Variants in RTN4IP1 observed in about 807,000 individuals in gnomAD.
RTN4IP1 encodes the protein reticulon 4 interacting protein 1, also known as NAD(P)H oxidoreductase RTN4IP1, mitochondrial.
A neutral mutation model predicts 46.6 loss-of-function variants in RTN4IP1; 32 were observed. The ratio of observed to expected loss-of-function variants is 0.69; its 90% CI spans 0.52 to 0.92. The LOEUF is 0.92. Among genes scored for constraint, RTN4IP1 ranks in the 40% least tolerant of loss-of-function variants. The probability of loss-of-function intolerance (pLI) is 0.00; values close to 1 mark genes in which losing one functional copy is unlikely to be tolerated. For missense variants in RTN4IP1, 424 were observed against 485.8 expected, an observed-to-expected ratio of 0.87 and a Z score of 1.20; for synonymous variants, 167 against 161.8, an observed-to-expected ratio of 1.03 and a Z score of -0.24.
chr6:106,628,689 G>T, intron 1 of RTN4IP1, 59 bp downstream of exon 1: 1 of 1,450,352 alleles, frequency 6.9e-7, no homozygotes, highest in South Asian at 1.3e-5. Context: ...TTTTTAAAAC[G>T]GCATACCTTA....
chr6:106,574,275 T>A (rs993480421), intron 8 of RTN4IP1, among the ~76,000 whole-genome samples: 2 of 152,058 alleles, frequency 1.3e-5, no homozygotes, highest in African/African-American at 4.8e-5. Context: ...GAAACCTATC[T>A]CCACTAAAAA....
chr6:106,609,373 C>T (rs1366233652), intron 4 of RTN4IP1, among the ~76,000 whole-genome samples: 4 of 152,048 alleles, frequency 2.6e-5, no homozygotes, highest in African/African-American at 9.7e-5. Context: ...TGGGCAACAT[C>T]ATGAGATCAC....
chr6:106,612,885 G>C (rs1329083648), intron 4 of RTN4IP1, among the ~76,000 whole-genome samples: 1 of 152,180 alleles, frequency 6.6e-6, no homozygotes, highest in Non-Finnish European at 1.5e-5. Flanking sequence ...GTGCATCAGG[G>C]ATAAGAACCC....
chr6:106,602,277 CA>C (rs138749456), intron 5 of RTN4IP1, among the ~76,000 whole-genome samples: 14 of 149,198 alleles, frequency 9.4e-5, no homozygotes, highest in Admixed American at 5.3e-4. Context: ...TTATGAAAAG[CA>C]AAAAAAAAGC....
Position 106,593,729 on chromosome 6 carries a change from T to C in RTN4IP1, c.670-1429A>G, listed in dbSNP as rs369011070. ...AATTTCTCACTTTTAAAAAGCAACATTGACCAAAGACTTATATATCCTGAA... is the reference window on the plus strand; with the variant it reads ...AATTTCTCACTTTTAAAAAGCAACACTGACCAAAGACTTATATATCCTGAA... On this transcript the variant is annotated intron_variant, in intron 5 of 8. Coordinates refer to ENST00000369063, the MANE Select transcript of RTN4IP1 (RefSeq NM_032730.5). Among the ~76,000 whole-genome samples, 33 of 152,322 alleles carry C rather than the reference T, an allele frequency of 2.2e-4. 1 individual carries two copies. Among genetic ancestry groups the C allele is most frequent in the East Asian group, 1.9e-3 (10 of 5,192 alleles).
At chr6:106,623,060 T>C in intron 1 of RTN4IP1, 91 bp from the exon 2 acceptor site, 1 of 1,237,656 alleles carries the variant, frequency 8.1e-7, no homozygotes, top group East Asian at 2.3e-5. Context: ...CAATTTTAGG[T>C]CTTCAAGATG....
chr6:106,622,640 T>C (rs1203850565), intron 2 of RTN4IP1, among the ~76,000 whole-genome samples, 178 bp downstream of exon 2: 1 of 152,184 alleles, frequency 6.6e-6, no homozygotes, highest in Non-Finnish European at 1.5e-5. Context: ...ATTTAATCTG[T>C]ACTAAATAAA....
intron 1 of RTN4IP1, among the ~76,000 whole-genome samples, chr6:106,625,812 C>T (rs958882331): frequency 2.0e-5 from 3 of 151,472 alleles, no homozygotes; most frequent in African/African-American, 4.8e-5. Context: ...TACAGGCATG[C>T]GCCACCACGC....
chr6:106,594,949 G>A (rs372674304), intron 5 of RTN4IP1, among the ~76,000 whole-genome samples: 3 of 151,960 alleles, frequency 2.0e-5, no homozygotes, highest in South Asian at 2.1e-4. Context: ...CTACAGGCAC[G>A]TCACACCACG....
At chr6:106,622,584 G>A (rs1036442269) in intron 2 of RTN4IP1, among the ~76,000 whole-genome samples, 2 of 152,232 alleles carry the variant, frequency 1.3e-5, no homozygotes, top group East Asian at 1.9e-4. Flanking sequence ...GGGCACGGTC[G>A]GCAATGTTAA....
At chr6:106,595,694 C>T (rs1775773854) in intron 5 of RTN4IP1, among the ~76,000 whole-genome samples, 1 of 152,014 alleles carries the variant, frequency 6.6e-6, no homozygotes, top group Non-Finnish European at 1.5e-5. Context: ...GAAGGGGTTT[C>T]GCCATGTTGG....
intron 2 of RTN4IP1, among the ~76,000 whole-genome samples, chr6:106,621,756 T>C (rs527512692): frequency 6.6e-6 from 1 of 152,280 alleles, no homozygotes; most frequent in Admixed American, 6.5e-5. Context: ...AAGACCACAA[T>C]CTCTGGGGTC....
chr6:106,629,705 A>T (rs1449033248), upstream of RTN4IP1: 1 of 1,606,102 alleles, frequency 6.2e-7, no homozygotes, highest in African/African-American at 1.3e-5. Context: ...GCCTCCGAGA[A>T]GTGAGTGGAA....
intron 1 of RTN4IP1, among the ~76,000 whole-genome samples, chr6:106,623,664 C>A (rs1442131031): frequency 1.3e-5 from 2 of 152,142 alleles, no homozygotes; most frequent in Non-Finnish European, 2.9e-5. Flanking sequence ...CACCATTGTT[C>A]AAAATATTTT....
At chr6:106,628,432 C>T (rs1442376155) in intron 1 of RTN4IP1, among the ~76,000 whole-genome samples, 1 of 151,758 alleles carries the variant, frequency 6.6e-6, no homozygotes, top group Non-Finnish European at 1.5e-5. Flanking sequence ...CAGGCCACCG[C>T]ACTCTAGCCT....
chr6:106,575,138 G>A (rs187028336), intron 8 of RTN4IP1, among the ~76,000 whole-genome samples: 5 of 152,272 alleles, frequency 3.3e-5, no homozygotes, highest in Admixed American at 1.3e-4. Context: ...ATACAGAGGG[G>A]GGAAAGAAAG....
intron 8 of RTN4IP1, among the ~76,000 whole-genome samples, chr6:106,572,621 G>C (rs1268357647): frequency 6.6e-6 from 1 of 152,120 alleles, no homozygotes; most frequent in Non-Finnish European, 1.5e-5. Flanking sequence ...ACTCCCACAG[G>C]AACCATGTGG....
intron 5 of RTN4IP1, among the ~76,000 whole-genome samples, chr6:106,594,454 A>T (rs2114644662): frequency 6.6e-6 from 1 of 152,178 alleles, no homozygotes; most frequent in East Asian, 1.9e-4. Context: ...AGGTTGCAGT[A>T]AGCCAAGGTC....
Position 106,619,332 on chromosome 6 carries a change from T to C in RTN4IP1, c.496-6A>G. ...GATTTGGGTTTGTGAGAGACCTACA[T>C]TTGAAGACAACAGTCAAAAATAAGC... On this transcript the variant is annotated splice_region_variant and splice_polypyrimidine_tract_variant and intron_variant, in intron 3 of 8. Transcript: ENST00000369063. The C allele has an allele frequency of 6.2e-7, 1 of 1,613,888 alleles. No individual in the cohort carries two copies. Among genetic ancestry groups the C allele is most frequent in the Non-Finnish European group, 8.5e-7 (1 of 1,179,934 alleles).
Sources: gnomAD v4.1 joint callset for allele counts (sites outside exome capture counted in the v4.1 genomes callset) on GRCh38, gnomAD v4.1.1 for gene constraint, MANE v1.5 for transcripts, NCBI Gene and HGNC (gene_info 2026-07-23, HGNC 2026-07-21) for gene names.